Variants in DOCK1 observed in about 807,000 individuals in gnomAD.
DOCK1 encodes the protein dedicator of cytokinesis protein 1.
DOCK1 carries 138 observed loss-of-function variants against 262.7 expected under a neutral mutation model. The ratio of observed to expected loss-of-function variants is 0.53; its 90% CI spans 0.46 to 0.61. DOCK1 has a LOEUF of 0.61. Among genes scored for constraint, DOCK1 ranks in the 20% least tolerant of loss-of-function variants. DOCK1 has a pLI of 0.00. For missense variants in DOCK1, 1,908 were observed against 2,370.7 expected (o/e 0.80, Z 4.05); for synonymous variants, 866 against 867.4 (o/e 1.00, Z 0.03).
At chr10:127,170,000 GCTT>G (rs979784094) in intron 27 of DOCK1, among the ~76,000 whole-genome samples, 1 of 151,910 alleles carries the variant, frequency 6.6e-6, no homozygotes, top group Non-Finnish European at 1.5e-5. Flanking sequence ...GGTTCCTTTA[GCTT>G]CTTTTTTTAC....
At chr10:127,392,322 C>T (rs1005116277) in intron 38 of DOCK1, among the ~76,000 whole-genome samples, 1 of 152,162 alleles carries the variant, frequency 6.6e-6, no homozygotes, top group Admixed American at 6.5e-5. Flanking sequence ...GGGACCATCC[C>T]TGAGTCCCCA....
chr10:127,024,432 C>T (rs117614022), intron 14 of DOCK1, among the ~76,000 whole-genome samples: 5,791 of 152,212 alleles, frequency 0.038, 138 homozygotes, highest in Non-Finnish European at 0.053. Flanking sequence ...GGTTGAGGGT[C>T]TGGGGAACTG....
At chr10:127,177,945 G>A (rs1388915353) in intron 27 of DOCK1, among the ~76,000 whole-genome samples, 1 of 152,216 alleles carries the variant, frequency 6.6e-6, no homozygotes, top group Non-Finnish European at 1.5e-5. Flanking sequence ...GCAGGCAGGA[G>A]CAGGACCCTA....
At chr10:127,193,528 A>G (rs572780351) in intron 27 of DOCK1, among the ~76,000 whole-genome samples, 1 of 152,308 alleles carries the variant, frequency 6.6e-6, no homozygotes, top group South Asian at 2.1e-4. Context: ...CTCATATTCC[A>G]GAGTTCAGTA....
chr10:127,402,420 TCAAAA>T (rs2067274244), intron 38 of DOCK1, among the ~76,000 whole-genome samples: 1 of 152,184 alleles, frequency 6.6e-6, no homozygotes, highest in East Asian at 1.9e-4. Context: ...TCCACATGTG[TCAAAA>T]GCTTATCAAC....
Position 127,175,224 on chromosome 10 carries a change from G to C in DOCK1, c.2847+47460G>C. ...TGAACATACATACCCTTCCCGATGGGCCTCTCCTTTTTCCAACTCCTGAAT... is the reference window on the plus strand; with the variant it reads ...TGAACATACATACCCTTCCCGATGGCCCTCTCCTTTTTCCAACTCCTGAAT... On this transcript the variant is annotated intron_variant, in intron 27 of 51. Coordinates refer to ENST00000623213, the MANE Select transcript of DOCK1 (RefSeq NM_001290223.2). This position sits in a 1 kb window ranked among gnomAD's most constrained non-coding sequence, Gnocchi z 6.3. 1 of 1,613,084 alleles carries C rather than the reference G, an allele frequency of 6.2e-7. No individual in the cohort carries two copies. The highest frequency in any genetic ancestry group is 8.5e-7 in the Non-Finnish European group (1 of 1,179,444).
chr10:127,058,306 T>G (rs1007631673), intron 22 of DOCK1, among the ~76,000 whole-genome samples: 1 of 152,088 alleles, frequency 6.6e-6, no homozygotes, highest in African/African-American at 2.4e-5. Flanking sequence ...TGTTGGTCTA[T>G]TCCTTAATCA....
chr10:127,152,674 A>G (rs1354185686), intron 27 of DOCK1, among the ~76,000 whole-genome samples: 1 of 152,254 alleles, frequency 6.6e-6, no homozygotes, highest in Non-Finnish European at 1.5e-5. Flanking sequence ...TACCTGCTGC[A>G]TAACCGGCAG....
chr10:127,155,679 C>T (rs2052972989), intron 27 of DOCK1, among the ~76,000 whole-genome samples: 1 of 152,184 alleles, frequency 6.6e-6, no homozygotes, highest in African/African-American at 2.4e-5. Context: ...CCACCTGGCT[C>T]CAGATTTGTC....
chr10:127,354,567 C>A, intron 31 of DOCK1, 102 bp from the exon 32 acceptor site: 1 of 1,309,690 alleles, frequency 7.6e-7, no homozygotes, highest in Non-Finnish European at 1.1e-6. Context: ...TCTTTATTTG[C>A]CTCAGTGCTA....
intron 38 of DOCK1, among the ~76,000 whole-genome samples, chr10:127,395,781 G>T (rs993419128): frequency 7.1e-6 from 1 of 140,180 alleles, no homozygotes; most frequent in Non-Finnish European, 1.7e-5. Context: ...CAAGTTAGCA[G>T]ATTCCACAGT....
intron 27 of DOCK1, among the ~76,000 whole-genome samples, chr10:127,237,081 G>A (rs924932259): frequency 1.5e-4 from 23 of 152,070 alleles, no homozygotes; most frequent in East Asian, 3.9e-4. Context: ...AATATTGGCC[G>A]GGCGCGGTGA....
In DOCK1 at chr10:127,176,492, C is replaced by T. The variant is rs1413939982; in HGVS notation, c.2847+48728C>T. 9.7e-7 allele frequency: 1 copy of T among 1,033,880 alleles called. No individual in the cohort carries two copies. Among genetic ancestry groups the T allele is most frequent in the African/African-American group, 1.6e-5 (1 of 63,156 alleles). 64.0% of individuals were successfully genotyped at this position (1,033,880 alleles called of 1,614,324 possible). Reference sequence around the variant, plus strand: ...AAACTTTTAGCCACCACGACGACTGCCTGTTTCCTAATTATATTTAAGCAG... The same window carrying T: ...AAACTTTTAGCCACCACGACGACTGTCTGTTTCCTAATTATATTTAAGCAG... On this transcript the variant is annotated intron_variant, in intron 27 of 51. Transcript: ENST00000623213. The surrounding 1 kb of genome is among the most constrained non-coding windows in gnomAD (Gnocchi z 4.4).
At chr10:127,124,157 G>A (rs192824010) in intron 25 of DOCK1, among the ~76,000 whole-genome samples, 177 of 152,134 alleles carry the variant, frequency 1.2e-3, no homozygotes, top group African/African-American at 4.0e-3. Flanking sequence ...TAGTTCTTGG[G>A]AAAGTTCTAA....
At chr10:127,158,684 G>A (rs2053312125) in intron 27 of DOCK1, among the ~76,000 whole-genome samples, 1 of 152,150 alleles carries the variant, frequency 6.6e-6, no homozygotes, top group Admixed American at 6.5e-5. Context: ...GGTATAAATT[G>A]TGAAAAGTTC....
chr10:127,270,715 A>G (rs2135173542), intron 29 of DOCK1, among the ~76,000 whole-genome samples: 1 of 152,254 alleles, frequency 6.6e-6, no homozygotes, highest in African/African-American at 2.4e-5. Flanking sequence ...ACTTCAGAGA[A>G]GGCTTCACTG....
chr10:127,228,394 G>T (rs962315397), intron 27 of DOCK1, among the ~76,000 whole-genome samples: 1 of 152,212 alleles, frequency 6.6e-6, no homozygotes, highest in African/African-American at 2.4e-5. Flanking sequence ...CATCTGCTGG[G>T]TGGTGACCAG....
At chr10:127,220,505 A>G (rs1418492644) in intron 27 of DOCK1, among the ~76,000 whole-genome samples, 1 of 152,108 alleles carries the variant, frequency 6.6e-6, no homozygotes, top group Non-Finnish European at 1.5e-5. Context: ...AATATTTAGG[A>G]TATACTTACA....
chr10:126,998,021 A>G, intron 7 of DOCK1, 71 bp from the exon 8 acceptor site: 1 of 1,574,500 alleles, frequency 6.4e-7, no homozygotes, highest in South Asian at 1.2e-5. Flanking sequence ...TCTATTCTGT[A>G]GGGAATAAAG....
Sources: gnomAD v4.1 joint callset for allele counts (sites outside exome capture counted in the v4.1 genomes callset) on GRCh38, gnomAD v4.1.1 for gene constraint, Gnocchi (gnomAD v3.1) non-coding constraint, MANE v1.5 for transcripts, NCBI Gene and HGNC (gene_info 2026-07-23, HGNC 2026-07-21) for gene names.